The following SYT17 variants were observed in gnomAD, a reference collection of about 807,000 sequenced individuals.
SYT17 encodes synaptotagmin-17.
SYT17 carries 22 observed loss-of-function variants against 46.7 expected under a neutral mutation model. That is an observed-to-expected ratio of 0.47 (90% confidence interval 0.34 to 0.67). The LOEUF is 0.67. Ranked by LOEUF, SYT17 falls within the 30% of genes least tolerant of loss-of-function variation. SYT17 has a pLI of 0.01. For synonymous variants in SYT17, 251 were observed against 248.4 expected, an observed-to-expected ratio of 1.01 and a Z score of -0.10; for missense variants, 519 against 612.8, an observed-to-expected ratio of 0.85 and a Z score of 1.62.
chr16:19,249,297 A>C (rs1597024796), intron 7 of SYT17, among the ~76,000 whole-genome samples: 1 of 151,808 alleles, frequency 6.6e-6, no homozygotes, highest in East Asian at 1.9e-4. Context: ...TAAATAAATA[A>C]ATAAATAAAT....
chr16:19,260,537 A>G (rs1441558812), intron 7 of SYT17, among the ~76,000 whole-genome samples: 2 of 150,358 alleles, frequency 1.3e-5, no homozygotes, highest in Non-Finnish European at 3.0e-5. Flanking sequence ...AAGGAAAGAA[A>G]AAAAAAAGAA....
chr16:19,236,302 T>C (rs1426940816), intron 7 of SYT17, among the ~76,000 whole-genome samples: 1 of 152,240 alleles, frequency 6.6e-6, no homozygotes, highest in Non-Finnish European at 1.5e-5. Context: ...GAACCACCTG[T>C]ATGTTGATTT....
chr16:19,191,194 A>G (rs201883363), intron 5 of SYT17, among the ~76,000 whole-genome samples: 2 of 151,970 alleles, frequency 1.3e-5, no homozygotes, highest in East Asian at 3.8e-4. Flanking sequence ...AAAACCCACC[A>G]TAAACAAACA....
chr16:19,248,516 A>G (rs1016595852), intron 7 of SYT17, among the ~76,000 whole-genome samples: 1 of 152,248 alleles, frequency 6.6e-6, no homozygotes, highest in African/African-American at 2.4e-5. Flanking sequence ...ATTGTGAGAC[A>G]TTCATACATT....
At chr16:19,173,050 T>A in intron 2 of SYT17, 1 of 575,798 alleles carries the variant, frequency 1.7e-6, no homozygotes, top group Non-Finnish European at 3.0e-6. Context: ...AAATATTTTT[T>A]CCCCTGCTTT....
At chr16:19,184,332 AG>A (rs1231809828) in intron 5 of SYT17, among the ~76,000 whole-genome samples, 185 bp downstream of exon 5, 1 of 152,114 alleles carries the variant, frequency 6.6e-6, no homozygotes, top group Non-Finnish European at 1.5e-5. Flanking sequence ...CCAGCATGAT[AG>A]CATCTTACGC....
intron 5 of SYT17, among the ~76,000 whole-genome samples, chr16:19,189,175 G>A (rs1166760297): frequency 6.6e-6 from 1 of 151,972 alleles, no homozygotes; most frequent in Non-Finnish European, 1.5e-5. Context: ...CGTGAGCCAC[G>A]TCTTTTCTCT....
At chr16:19,226,124 A>G (rs752769409) in intron 7 of SYT17, among the ~76,000 whole-genome samples, 2 of 152,172 alleles carry the variant, frequency 1.3e-5, no homozygotes, top group Non-Finnish European at 2.9e-5. Context: ...TGTCAAGTTG[A>G]TATCTTCATC....
intron 7 of SYT17, among the ~76,000 whole-genome samples, chr16:19,234,820 T>C (rs1054355239): frequency 6.6e-6 from 1 of 152,192 alleles, no homozygotes; most frequent in Admixed American, 6.5e-5. Flanking sequence ...ATCATTGCAG[T>C]CTGTGAAAGA....
intron 5 of SYT17, among the ~76,000 whole-genome samples, chr16:19,214,627 G>A (rs1305439578): frequency 6.6e-6 from 1 of 152,144 alleles, no homozygotes; most frequent in African/African-American, 2.4e-5. Flanking sequence ...TGATGCCCAA[G>A]TGAACGATGT....
chr16:19,168,602 G>A lies in SYT17; in HGVS notation c.-45G>A. 1.3e-6 allele frequency: 2 copies of A among 1,542,222 alleles called. No homozygotes were observed. The highest frequency in any genetic ancestry group is 1.8e-6 in the Non-Finnish European group (2 of 1,142,518). On this transcript the variant is annotated 5_prime_UTR_variant, in exon 1 of 8. The change creates a new upstream start codon in the 5' untranslated region. Transcript: ENST00000355377. This position sits in a 1 kb window ranked among gnomAD's most constrained non-coding sequence, Gnocchi z 6.9. ...CGCTGTTGGCGAGGGCAAAGTGGCC[G>A]TGGCGGCGCCATGCCCGGGCCGGAG...
At chr16:19,219,604 C>T (rs1246342870) in intron 5 of SYT17, among the ~76,000 whole-genome samples, 1 of 152,168 alleles carries the variant, frequency 6.6e-6, no homozygotes, top group Non-Finnish European at 1.5e-5. Flanking sequence ...GGCAAATGCA[C>T]ACGTAACTGC....
chr16:19,182,316 G>A (rs1964590782), intron 4 of SYT17, among the ~76,000 whole-genome samples: 1 of 152,056 alleles, frequency 6.6e-6, no homozygotes. Context: ...TTGAGAGGCT[G>A]AGCCATGAGA....
intron 7 of SYT17, among the ~76,000 whole-genome samples, chr16:19,249,261 G>A (rs1025962559): frequency 8.4e-5 from 9 of 106,878 alleles, no homozygotes; most frequent in Non-Finnish European, 1.5e-4. Context: ...GCGACAGAGC[G>A]AGACGCCGTC....
At chr16:19,201,118 G>A (rs532505119) in intron 5 of SYT17, among the ~76,000 whole-genome samples, 6 of 152,294 alleles carry the variant, frequency 3.9e-5, no homozygotes, top group African/African-American at 1.4e-4. Flanking sequence ...CAGTCCAGGG[G>A]ACCACAGCAC....
intron 7 of SYT17, among the ~76,000 whole-genome samples, chr16:19,231,423 TAGCTGGGC>T (rs1313431346): frequency 7.0e-6 from 1 of 142,548 alleles, no homozygotes; most frequent in East Asian, 2.1e-4. Context: ...ATACAAAAAT[TAGCTGGGC>T]ATGGTGGCGG....
intron 5 of SYT17, among the ~76,000 whole-genome samples, chr16:19,219,764 C>A (rs58676816): frequency 2.6e-5 from 4 of 152,208 alleles, no homozygotes; most frequent in East Asian, 1.9e-4. Flanking sequence ...CCATCCCCCC[C>A]ACAGGAGTGT....
At chr16:19,182,313 G>A (rs1274804047) in intron 4 of SYT17, among the ~76,000 whole-genome samples, 1 of 152,018 alleles carries the variant, frequency 6.6e-6, no homozygotes, top group South Asian at 2.1e-4. Context: ...TACTTGAGAG[G>A]CTGAGCCATG....
intron 7 of SYT17, among the ~76,000 whole-genome samples, chr16:19,263,640 CAA>C (rs1157288423): frequency 1.5e-4 from 6 of 39,258 alleles, no homozygotes; most frequent in Middle Eastern, 0.012. Flanking sequence ...AATTACAACT[CAA>C]AAAAAAAAAA....
Sources: allele counts gnomAD v4.1 joint callset (sites outside exome capture counted in the v4.1 genomes callset), GRCh38; gene constraint gnomAD v4.1.1; non-coding constraint Gnocchi (gnomAD v3.1); transcripts MANE v1.5; gene names NCBI Gene and HGNC (gene_info 2026-07-23, HGNC 2026-07-21).